The following GRIP2 variants were observed in gnomAD, a reference collection of about 807,000 sequenced individuals.
GRIP2 encodes glutamate receptor-interacting protein 2.
In GRIP2, 58 loss-of-function variants were observed where a neutral mutation model predicts 108.3. That is an observed-to-expected ratio of 0.54 (90% confidence interval 0.43 to 0.67). GRIP2 has a LOEUF of 0.67. Among genes scored for constraint, GRIP2 ranks in the 30% least tolerant of loss-of-function variants. The pLI, the probability that GRIP2 is intolerant of heterozygous loss-of-function variation, is 0.00. For synonymous variants in GRIP2, 586 were observed against 598.2 expected (o/e 0.98, Z 0.30); for missense variants, 1,278 against 1,430.6 (o/e 0.89, Z 1.72).
chr3:14,530,791 C>T (rs763465637), intron 1 of GRIP2, among the ~76,000 whole-genome samples: 14 of 152,104 alleles, frequency 9.2e-5, no homozygotes, highest in African/African-American at 1.7e-4. Flanking sequence ...GATACAGGTA[C>T]GCACTGCATA....
the GRIP2 span, chr3:14,572,761 G>T: frequency 1.8e-6 from 1 of 565,824 alleles, no homozygotes; most frequent in Non-Finnish European, 3.1e-6. Flanking sequence ...CATGGAGCAG[G>T]TGACTCCTGG....
At chr3:14,596,407 T>G in the GRIP2 span, among the ~76,000 whole-genome samples, 3 of 152,176 alleles carry the variant, frequency 2.0e-5, no homozygotes, top group African/African-American at 7.2e-5. Flanking sequence ...ACTCTAGATT[T>G]TTAGCTTCTC....
In GRIP2 at chr3:14,521,864, C is replaced by T. The variant is rs781118393; in HGVS notation, c.567-77G>A. ...GCCTGTCTGGGAGGGCGCTGGGAAG[C>T]GGGACATGGAGGATGAAGAAGCAGG... On this transcript the variant is annotated intron_variant, in intron 6 of 23. Coordinates refer to ENST00000621039, the MANE Select transcript of GRIP2 (RefSeq NM_001080423.4). The surrounding 1 kb of genome is among the most constrained non-coding windows in gnomAD (Gnocchi z 5.1). The T allele has an allele frequency of 2.5e-5, 29 of 1,172,764 alleles. No homozygotes were observed. The highest frequency in any genetic ancestry group is 8.0e-5 in the African/African-American group (5 of 62,260). The allele number at this position is 1,172,764 out of a possible 1,614,324, so 72.6% of individuals were successfully genotyped here.
rs1337622967 is a variant in GRIP2 at position 14,506,940 on chromosome 3, G to A, written c.2259C>T (p.Thr753=). ...CTGCTGGGTCCTCATCAGCATCACTGGTCTCACTGAGGCTGCCCGACTTGC... is the reference window on the plus strand; with the variant it reads ...CTGCTGGGTCCTCATCAGCATCACTAGTCTCACTGAGGCTGCCCGACTTGC... ...LPRKSGSLSE[T]SDADEDPADA... Residue 753 remains threonine, a synonymous_variant, in exon 19 of 24, where the codon ACC becomes ACT. Coordinates refer to ENST00000621039, the MANE Select transcript of GRIP2 (RefSeq NM_001080423.4). 9.9e-6 allele frequency: 16 copies of A among 1,608,042 alleles called. No individual in the cohort carries two copies. The highest frequency in any genetic ancestry group is 1.4e-5 in the Non-Finnish European group (16 of 1,177,354).
upstream of GRIP2, among the ~76,000 whole-genome samples, chr3:14,545,586 C>T (rs532347899): frequency 6.6e-6 from 1 of 152,226 alleles, no homozygotes; most frequent in Non-Finnish European, 1.5e-5. Flanking sequence ...TTGACACCCA[C>T]AATAGCTTCC....
chr3:14,513,595 G>C (rs1025094751), intron 13 of GRIP2, 70 bp downstream of exon 13: 1 of 1,524,324 alleles, frequency 6.6e-7, no homozygotes, highest in Admixed American at 2.0e-5. Flanking sequence ...TTGCACAGGC[G>C]AGGCAGGATA....
At chr3:14,532,504 C>T (rs969812852) in intron 1 of GRIP2, among the ~76,000 whole-genome samples, 1 of 152,188 alleles carries the variant, frequency 6.6e-6, no homozygotes, top group Non-Finnish European at 1.5e-5. Flanking sequence ...CATCCTTGGC[C>T]TCTAACCACC....
chr3:14,527,677 G>A (rs1432952295), intron 1 of GRIP2, among the ~76,000 whole-genome samples: 1 of 151,398 alleles, frequency 6.6e-6, no homozygotes, highest in Non-Finnish European at 1.5e-5. Context: ...ATCAGCTGAG[G>A]TCAGGAGTTC....
chr3:14,505,002 C>T lies in GRIP2; in HGVS notation c.2573+613G>A, dbSNP rs974882775. On this transcript the variant is annotated intron_variant, in intron 20 of 23. Transcript: ENST00000621039. The surrounding 1 kb of genome is among the most constrained non-coding windows in gnomAD (Gnocchi z 4.2). The stretch of plus-strand genomic sequence containing the variant: ...TGGGTACCAGGAGGGAGGGAGGAAT[C>T]CCTTCTGCCTGAGAAAGACAGGGAA... 2.0e-5 allele frequency among the ~76,000 whole-genome samples: 3 copies of T among 152,104 alleles called. No individual in the cohort carries two copies. The highest frequency in any genetic ancestry group is 4.4e-5 in the Non-Finnish European group (3 of 68,004).
At chr3:14,531,639 G>A (rs1694713167) in intron 1 of GRIP2, among the ~76,000 whole-genome samples, 1 of 152,190 alleles carries the variant, frequency 6.6e-6, no homozygotes, top group Non-Finnish European at 1.5e-5. Flanking sequence ...AGTGGCCTTG[G>A]GAGGAGGTAG....
chr3:14,538,462 G>A (rs1694886109), intron 1 of GRIP2, among the ~76,000 whole-genome samples: 1 of 152,240 alleles, frequency 6.6e-6, no homozygotes, highest in African/African-American at 2.4e-5. Context: ...AGAGGAGAGA[G>A]TCTGCCTGGA....
At chr3:14,566,225 T>C in the GRIP2 span, among the ~76,000 whole-genome samples, 26,266 of 152,162 alleles carry the variant, frequency 0.17, 2,445 homozygotes, top group Middle Eastern at 0.29. Context: ...TGACAGACCA[T>C]GAGAGCCACA....
rs375839332 is a variant in GRIP2 at position 14,511,357 on chromosome 3, A to G, written c.1788-47T>C. On this transcript the variant is annotated intron_variant, in intron 15 of 23. Coordinates refer to ENST00000621039, the MANE Select transcript of GRIP2 (RefSeq NM_001080423.4). The surrounding 1 kb of genome is among the most constrained non-coding windows in gnomAD (Gnocchi z 4.1). ...GGGATGGAAGGAGCCTGGTGCATGC[A>G]GGTGCCATACTCACTGCTGTTGGCC... 81 of 1,613,838 alleles carry G rather than the reference A, an allele frequency of 5.0e-5. No individual in the cohort carries two copies. Among genetic ancestry groups the G allele is most frequent in the Non-Finnish European group, 6.7e-5 (79 of 1,179,854 alleles).
intron 1 of GRIP2, among the ~76,000 whole-genome samples, chr3:14,537,010 G>A (rs1694849795): frequency 6.6e-6 from 1 of 152,194 alleles, no homozygotes; most frequent in South Asian, 2.1e-4. Context: ...TTACAGCTGG[G>A]AAAACTGAGG....
chr3:14,507,065 C>A lies in GRIP2; in HGVS notation c.2219-85G>T. On this transcript the variant is annotated intron_variant, in intron 18 of 23. Transcript: ENST00000621039. The surrounding 1 kb of genome is among the most constrained non-coding windows in gnomAD (Gnocchi z 4.6). The stretch of plus-strand genomic sequence containing the variant: ...TCTGCATTTCAGCCTGGTCTGGAAA[C>A]TCACAGGCAGTAAGCCCTTCTGAGC... 7.6e-7 allele frequency: 1 copy of A among 1,316,678 alleles called. No homozygotes were observed. Among genetic ancestry groups the A allele is most frequent in the South Asian group, 1.4e-5 (1 of 69,388 alleles). 81.6% of individuals were successfully genotyped at this position (1,316,678 alleles called of 1,614,324 possible).
intron 1 of GRIP2, among the ~76,000 whole-genome samples, chr3:14,550,136 C>A (rs1484796510): frequency 6.6e-6 from 1 of 152,230 alleles, no homozygotes; most frequent in Non-Finnish European, 1.5e-5. Context: ...AGGCCAGTGC[C>A]TGCTGCCTGG....
At chr3:14,602,516 C>T in the GRIP2 span, among the ~76,000 whole-genome samples, 1 of 151,970 alleles carries the variant, frequency 6.6e-6, no homozygotes, top group Admixed American at 6.5e-5. This position sits in a 1 kb window ranked among gnomAD's most constrained non-coding sequence, Gnocchi z 4.7. Context: ...ACCCGGCGGG[C>T]TGGCTGGAGG....
chr3:14,571,313 C>A, the GRIP2 span, among the ~76,000 whole-genome samples: 4 of 152,236 alleles, frequency 2.6e-5, no homozygotes, highest in Non-Finnish European at 5.9e-5. Context: ...CCTGGTGTCA[C>A]CCATTAGTCT....
Position 14,505,705 on chromosome 3 carries a change from G to C in GRIP2, c.2483C>G (p.Thr828Ser). ...PGWLRGSPPP[T>S]EPRRTSYTPT... ...GGTATAGCTCGTCCTCCGGGGCTCG[G>C]TGGGTGGGGGGCTGCCCCTCAGCCA... Residue 828 changes from threonine to serine, a missense_variant, in exon 20 of 24, where the codon ACC becomes AGC. Coordinates refer to ENST00000621039, the MANE Select transcript of GRIP2 (RefSeq NM_001080423.4). This position sits in a 1 kb window ranked among gnomAD's most constrained non-coding sequence, Gnocchi z 4.2. 1 of 1,594,706 alleles carries C rather than the reference G, an allele frequency of 6.3e-7. No homozygotes were observed. The highest frequency in any genetic ancestry group is 8.5e-7 in the Non-Finnish European group (1 of 1,170,926).
Sources: gnomAD v4.1 joint callset for allele counts (sites outside exome capture counted in the v4.1 genomes callset) on GRCh38, gnomAD v4.1.1 for gene constraint, Gnocchi (gnomAD v3.1) non-coding constraint, MANE v1.5 for transcripts, NCBI Gene and HGNC (gene_info 2026-07-23, HGNC 2026-07-21) for gene names.